Variants in GLIS1 observed in about 807,000 individuals in gnomAD.
The protein encoded by GLIS1 is zinc finger protein GLIS1.
A neutral mutation model predicts 63.8 loss-of-function variants in GLIS1; 24 were observed. The observed-to-expected ratio is 0.38, with a 90% CI of 0.27 to 0.53. GLIS1 has a LOEUF of 0.53. Ranked by LOEUF, GLIS1 falls within the 20% of genes least tolerant of loss-of-function variation. The pLI is 0.85. For synonymous variants in GLIS1, 450 were observed against 482.5 expected (o/e 0.93, Z 0.88); for missense variants, 1,036 against 1,074.1 (o/e 0.96, Z 0.50).
chr1:53,541,791 C>T (rs1022488904), intron 4 of GLIS1, among the ~76,000 whole-genome samples: 14 of 152,240 alleles, frequency 9.2e-5, no homozygotes, highest in African/African-American at 1.7e-4. Context: ...AGAGGCAGGA[C>T]GGAGTTGCTG....
chr1:53,704,625 AGT>A (rs1299635852), intron 2 of GLIS1, among the ~76,000 whole-genome samples: 2 of 152,156 alleles, frequency 1.3e-5, no homozygotes, highest in Non-Finnish European at 2.9e-5. Context: ...TGAGGAGCGT[AGT>A]GCTGTGTGAG....
rs373328567 is a variant in GLIS1 at position 53,661,057 on chromosome 1, T to C, written c.260-60779A>G. Reference sequence around the variant, plus strand: ...AACAAGGTTGGAGGACTGAGCAAGATAGACACATATACACATCCATGTATG... The same window carrying C: ...AACAAGGTTGGAGGACTGAGCAAGACAGACACATATACACATCCATGTATG... On this transcript the variant is annotated intron_variant, in intron 2 of 10. Coordinates refer to ENST00000628545, the MANE Select transcript of GLIS1 (RefSeq NM_001367484.1). Among the ~76,000 whole-genome samples, 7 of 152,326 alleles carry C rather than the reference T, an allele frequency of 4.6e-5. No individual in the cohort carries two copies. The East Asian group carries it at 9.6e-4, about 21-fold the overall frequency.
chr1:53,650,987 G>A (rs527635899), intron 2 of GLIS1, among the ~76,000 whole-genome samples: 15 of 152,322 alleles, frequency 9.8e-5, no homozygotes, highest in East Asian at 1.9e-4. Flanking sequence ...GCCCTGTGGC[G>A]TTTCTAAAAT....
chr1:53,718,513 A>C (rs138525270), intron 2 of GLIS1, among the ~76,000 whole-genome samples: 1 of 152,282 alleles, frequency 6.6e-6, no homozygotes, highest in African/African-American at 2.4e-5. Context: ...GAAAACAAAA[A>C]ATTGTACTAG....
At chr1:53,720,707 T>C (rs770045564) in intron 2 of GLIS1, among the ~76,000 whole-genome samples, 2 of 152,230 alleles carry the variant, frequency 1.3e-5, no homozygotes, top group Non-Finnish European at 2.9e-5. Context: ...ATTCAATCAT[T>C]ACACGTTGTA....
At chr1:53,692,423 C>T (rs143615989) in intron 2 of GLIS1, among the ~76,000 whole-genome samples, 8 of 152,326 alleles carry the variant, frequency 5.3e-5, no homozygotes, top group African/African-American at 1.7e-4. Context: ...ACCTGAAGGA[C>T]GTAACGATAA....
intron 8 of GLIS1, among the ~76,000 whole-genome samples, chr1:53,512,182 C>T (rs189112935): frequency 7.9e-5 from 12 of 152,332 alleles, no homozygotes; most frequent in Non-Finnish European, 1.6e-4. Context: ...GCAGACATGA[C>T]GCCTGAGGCT....
At position 53,737,982 on chromosome 1, in the gene GLIS1, G is replaced by GCGGGGCCGCGGT; in HGVS notation, c.71_82dup (p.Asp24_Pro27dup). 1 of 1,230,410 alleles carries GCGGGGCCGCGGT rather than the reference G, an allele frequency of 8.1e-7. No individual in the cohort carries two copies. The allele number at this position is 1,230,410 out of a possible 1,614,324, so 76.2% of individuals were successfully genotyped here. Reference sequence around the variant, plus strand: ...GAAGGCCATGTGCGCGCCGAGGCTGGCGGGGCCGCGGTCGGGGCCGGGCGC... The same window carrying GCGGGGCCGCGGT: ...GAAGGCCATGTGCGCGCCGAGGCTGGCGGGGCCGCGGTCGGGGCCGCGGTCGGGGCCGGGCGC... On this transcript the variant is annotated inframe_insertion, in exon 2 of 11. Coordinates refer to ENST00000628545, the MANE Select transcript of GLIS1 (RefSeq NM_001367484.1).
intron 4 of GLIS1, among the ~76,000 whole-genome samples, chr1:53,573,889 A>C (rs1645007994): frequency 6.6e-6 from 1 of 152,224 alleles, no homozygotes; most frequent in Non-Finnish European, 1.5e-5. Flanking sequence ...GTTGCTCAGC[A>C]AGCCTGGCAT....
chr1:53,641,023 G>A (rs78552254), intron 2 of GLIS1, among the ~76,000 whole-genome samples: 626 of 152,308 alleles, frequency 4.1e-3, no homozygotes, highest in African/African-American at 0.014. Flanking sequence ...ATGATGGATG[G>A]TTTAAACCTG....
At chr1:53,582,078 C>T (rs925845791) in intron 4 of GLIS1, among the ~76,000 whole-genome samples, 1 of 152,178 alleles carries the variant, frequency 6.6e-6, no homozygotes, top group Non-Finnish European at 1.5e-5. Context: ...CCTGGCCTCA[C>T]TGTCTCTACT....
At chr1:53,531,422 G>A (rs565556904) in intron 4 of GLIS1, among the ~76,000 whole-genome samples, 1 of 152,222 alleles carries the variant, frequency 6.6e-6, no homozygotes, top group African/African-American at 2.4e-5. Flanking sequence ...GCGGGGAGTA[G>A]GGGGAGGAGC....
At chr1:53,691,963 G>A (rs1408169150) in intron 2 of GLIS1, among the ~76,000 whole-genome samples, 3 of 152,122 alleles carry the variant, frequency 2.0e-5, no homozygotes, top group African/African-American at 7.2e-5. Flanking sequence ...ATATGGACAG[G>A]AGTCGTGGAG....
intron 2 of GLIS1, among the ~76,000 whole-genome samples, chr1:53,625,836 C>T (rs1645588421): frequency 6.6e-6 from 1 of 152,256 alleles, no homozygotes; most frequent in Non-Finnish European, 1.5e-5. Flanking sequence ...CAAGTATAGG[C>T]TGAGGACCAG....
intron 4 of GLIS1, among the ~76,000 whole-genome samples, chr1:53,548,138 C>T (rs1248447355): frequency 6.6e-6 from 1 of 152,224 alleles, no homozygotes; most frequent in Non-Finnish European, 1.5e-5. Flanking sequence ...AGCTGCCGCA[C>T]TCCATGGGAC....
intron 2 of GLIS1, among the ~76,000 whole-genome samples, chr1:53,706,220 A>G (rs1179473603): frequency 2.0e-5 from 3 of 152,194 alleles, no homozygotes; most frequent in African/African-American, 7.2e-5. Context: ...GGGGACCTGG[A>G]AGCTTCCTAC....
chr1:53,607,777 A>G (rs990333204), intron 2 of GLIS1, among the ~76,000 whole-genome samples: 1 of 152,158 alleles, frequency 6.6e-6, no homozygotes, highest in Non-Finnish European at 1.5e-5. Context: ...GGCTTAAACA[A>G]CTGAAATGTA....
intron 2 of GLIS1, among the ~76,000 whole-genome samples, chr1:53,709,423 C>CATATAT (rs1646622345): frequency 3.6e-5 from 1 of 28,100 alleles, no homozygotes; most frequent in Non-Finnish European, 1.3e-4. Flanking sequence ...CACACACACA[C>CATATAT]ACACACACAC....
intron 2 of GLIS1, among the ~76,000 whole-genome samples, chr1:53,712,185 G>T (rs1646654172): frequency 6.6e-6 from 1 of 152,166 alleles, no homozygotes; most frequent in Non-Finnish European, 1.5e-5. Flanking sequence ...CCTTCTACCA[G>T]GCCTTTGCAC....
Sources: gnomAD v4.1 joint callset for allele counts (sites outside exome capture counted in the v4.1 genomes callset) on GRCh38, gnomAD v4.1.1 for gene constraint, MANE v1.5 for transcripts, NCBI Gene and HGNC (gene_info 2026-07-23, HGNC 2026-07-21) for gene names.